Variants in DNAH2 observed in about 807,000 individuals in gnomAD.
DNAH2 encodes the protein axonemal beta dynein heavy chain 2.
In DNAH2, 323 loss-of-function variants were observed where a neutral mutation model predicts 523.5. The ratio of observed to expected loss-of-function variants is 0.62; its 90% confidence interval spans 0.56 to 0.68. The LOEUF (loss-of-function observed/expected upper bound fraction) is 0.68. Among genes scored for constraint, DNAH2 ranks in the 30% least tolerant of loss-of-function variants. DNAH2 has a pLI of 0.00. For synonymous variants in DNAH2, 2,093 were observed against 2,177.4 expected (o/e 0.96, Z 1.08); for missense variants, 4,907 against 5,701.5 (o/e 0.86, Z 4.49).
In DNAH2 at chr17:7,786,737, G is replaced by T. The variant is rs761227705; in HGVS notation, c.6466+50G>T. On this transcript the variant is annotated intron_variant, in intron 41 of 85. Coordinates refer to ENST00000572933, the MANE Select transcript of DNAH2 (RefSeq NM_020877.5). The surrounding 1 kb of genome is among the most constrained non-coding windows in gnomAD (Gnocchi z 7.5). The stretch of plus-strand genomic sequence containing the variant: ...GAGAGCAGACGCCTGAGTCTCCTAA[G>T]GGGGCAGGGAGTCTGGGGATAGGAA... 6.2e-7 allele frequency: 1 copy of T among 1,604,878 alleles called. No homozygotes were observed. Among genetic ancestry groups the T allele is most frequent in the African/African-American group, 1.3e-5 (1 of 74,868 alleles).
intron 4 of DNAH2, among the ~76,000 whole-genome samples, chr17:7,730,580 T>C (rs2074954744): frequency 6.6e-6 from 1 of 152,214 alleles, no homozygotes; most frequent in African/African-American, 2.4e-5. Flanking sequence ...GAATATCCCC[T>C]ATGCGGTAAT....
chr17:7,775,991 G>A (rs749492981), intron 30 of DNAH2, 33 bp from the exon 31 acceptor site: 2 of 1,611,142 alleles, frequency 1.2e-6, no homozygotes, highest in East Asian at 2.2e-5. Context: ...GCCCCCTCAG[G>A]CTGAGCTGCC....
At chr17:7,743,638 C>T (rs1299263187) in intron 12 of DNAH2, 1 of 412,556 alleles carries the variant, frequency 2.4e-6, no homozygotes, top group Non-Finnish European at 4.3e-6. Context: ...TACACTCCAG[C>T]CTGGGCGACA....
chr17:7,801,296 T>G (rs2077216598), intron 56 of DNAH2, among the ~76,000 whole-genome samples: 1 of 152,152 alleles, frequency 6.6e-6, no homozygotes, highest in African/African-American at 2.4e-5. Context: ...TGTATTATTA[T>G]TCCCATTTTA....
intron 24 of DNAH2, 132 bp from the exon 25 acceptor site, chr17:7,770,120 C>T (rs1310336142): frequency 1.3e-5 from 16 of 1,259,052 alleles, no homozygotes; most frequent in Non-Finnish European, 1.5e-5. Context: ...AAGATTGCAT[C>T]TTCGAGCCTG....
intron 18 of DNAH2, among the ~76,000 whole-genome samples, chr17:7,763,198 G>A (rs537100118): frequency 6.7e-5 from 10 of 149,990 alleles, no homozygotes; most frequent in East Asian, 2.0e-4. Context: ...TTGCTCTGTC[G>A]CCCAGGCTGG....
Position 7,832,626 on chromosome 17 carries a change from C to A in DNAH2, c.12774C>A (p.Ala4258=), listed in dbSNP as rs757325653. 6.2e-7 allele frequency: 1 copy of A among 1,614,154 alleles called. No homozygotes were observed. The highest frequency in any genetic ancestry group is 1.7e-5 in the Admixed American group (1 of 60,016). Residue 4258 remains alanine (A), a synonymous_variant, in exon 83 of 86, where the codon GCC becomes GCA. Coordinates refer to ENST00000572933, the MANE Select transcript of DNAH2 (RefSeq NM_020877.5). The surrounding 1 kb of genome is among the most constrained non-coding windows in gnomAD (Gnocchi z 4.3). ...TGGCTGCCTGGACCCGGGACTTGGC[C>A]ATGCGTGTGGAGCAGTTTGAGCTGT... ...KPLAAWTRDL[A]MRVEQFELWA...
chr17:7,734,681 C>T lies in DNAH2; in HGVS notation c.951C>T (p.Pro317=). The T allele has an allele frequency of 6.2e-7, 1 of 1,612,500 alleles. No homozygotes were observed. The highest frequency in any genetic ancestry group is 8.5e-7 in the Non-Finnish European group (1 of 1,179,820). ...TTGCCAAGTCGTCCTACTTGGCGCC[C>T]TTTATGAAACTGGCACAGCAGATCC... ...LHLAKSSYLA[P]FMKLAQQIQD... is the part of the protein sequence containing the mutation. Residue 317 remains proline, a synonymous_variant, in exon 7 of 86, where the codon CCC becomes CCT. Coordinates refer to ENST00000572933, the MANE Select transcript of DNAH2 (RefSeq NM_020877.5).
Position 7,801,694 on chromosome 17 carries a change from T to C in DNAH2, c.8816T>C (p.Leu2939Pro). ...GAGAAGTGCCTCATAGGAGTAGACC[T>C]GGGAACTCAGGAGAATGTGAGCCCC... ...VAEKCLIGVDLGTQENIHRKV... is the reference protein window; with the variant it reads ...VAEKCLIGVDPGTQENIHRKV... The change falls in exon 57 of 86, where the codon CTG (leucine) becomes CCG (proline). Residue 2939 changes from leucine (L) to proline (P), a missense_variant. Coordinates refer to ENST00000572933, the MANE Select transcript of DNAH2 (RefSeq NM_020877.5). 6.2e-7 allele frequency: 1 copy of C among 1,614,108 alleles called. No homozygotes were observed. Among genetic ancestry groups the C allele is most frequent in the Non-Finnish European group, 8.5e-7 (1 of 1,180,028 alleles).
chr17:7,769,701 T>A (rs1019573169), intron 24 of DNAH2, among the ~76,000 whole-genome samples: 2 of 152,214 alleles, frequency 1.3e-5, no homozygotes, highest in Non-Finnish European at 2.9e-5. Flanking sequence ...GGGGATAGAT[T>A]TATAAAAATA....
At chr17:7,803,645 G>C (rs533301013) in intron 58 of DNAH2, among the ~76,000 whole-genome samples, 29 of 151,910 alleles carry the variant, frequency 1.9e-4, no homozygotes, top group African/African-American at 5.6e-4. Context: ...ACTCCAGCCT[G>C]GGTGACAGAT....
Position 7,754,828 on chromosome 17 carries a change from A to G in DNAH2, c.1905-2263A>G, listed in dbSNP as rs1051000012. The G allele has an allele frequency of 2.8e-6, 2 of 710,280 alleles. No homozygotes were observed. The highest frequency in any genetic ancestry group is 2.5e-6 in the Non-Finnish European group (1 of 397,316). The allele number at this position is 710,280 out of a possible 1,614,324, so 44.0% of individuals were successfully genotyped here. On this transcript the variant is annotated intron_variant, in intron 12 of 85. Coordinates refer to ENST00000572933, the MANE Select transcript of DNAH2 (RefSeq NM_020877.5). This position sits in a 1 kb window ranked among gnomAD's most constrained non-coding sequence, Gnocchi z 4.6. Reference sequence around the variant, plus strand: ...TCAGCTCAGGCTCCCAAAGCTGCCCAGTGCCCTACAAAGACTTCAGAGTAG... The same window carrying G: ...TCAGCTCAGGCTCCCAAAGCTGCCCGGTGCCCTACAAAGACTTCAGAGTAG...
At position 7,780,433 on chromosome 17, in the gene DNAH2, G is replaced by A; in HGVS notation, c.5850+149G>A. On this transcript the variant is annotated intron_variant, in intron 37 of 85. Transcript: ENST00000572933. The surrounding 1 kb of genome is among the most constrained non-coding windows in gnomAD (Gnocchi z 4.4). ...TAGGATGTGTGGGGAGAAAAATTTA[G>A]GGGAGGGAGGTGTCTCCTCCGTGAT... The A allele has an allele frequency of 7.0e-7, 1 of 1,421,430 alleles. No homozygotes were observed. Among genetic ancestry groups the A allele is most frequent in the African/African-American group, 1.4e-5 (1 of 69,564 alleles). 88.1% of individuals were successfully genotyped at this position (1,421,430 alleles called of 1,614,324 possible).
At chr17:7,745,517 T>A (rs540065534) in intron 12 of DNAH2, among the ~76,000 whole-genome samples, 30 of 151,666 alleles carry the variant, frequency 2.0e-4, no homozygotes, top group Admixed American at 1.2e-3. Context: ...AAGTTAAATT[T>A]AAAAAAAATG....
chr17:7,764,463 CT>C (rs1398261295), intron 20 of DNAH2, among the ~76,000 whole-genome samples, 190 bp downstream of exon 20: 93 of 150,292 alleles, frequency 6.2e-4, no homozygotes, highest in African/African-American at 2.0e-3. Context: ...CTTCTTCTTC[CT>C]CTTTTTTTTT....
intron 2 of DNAH2, 109 bp from the exon 3 acceptor site, chr17:7,723,519 G>A (rs1349624015): frequency 1.8e-5 from 15 of 841,452 alleles, no homozygotes; most frequent in South Asian, 8.2e-5. Flanking sequence ...TGATCCTCCC[G>A]CCTAGTACTC....
chr17:7,817,989 T>C lies in DNAH2; in HGVS notation c.10280T>C (p.Ile3427Thr), dbSNP rs200415467. 1 of 1,613,964 alleles carries C rather than the reference T, an allele frequency of 6.2e-7. No individual in the cohort carries two copies. The highest frequency in any genetic ancestry group is 2.2e-5 in the East Asian group (1 of 44,868). ...CTGCAGATGAGCGATTACCTGCGAA[T>C]CCTAGAACACGCCATTCACTTTGGA... ...IDLQMSDYLR[I>T]LEHAIHFGYP... Residue 3427 changes from isoleucine (I) to threonine (T), a missense_variant, in exon 68 of 86, where the codon ATC (isoleucine) becomes ACC (threonine). Ile to Thr is a moderately conservative substitution (Grantham distance 89). Coordinates refer to ENST00000572933, the MANE Select transcript of DNAH2 (RefSeq NM_020877.5).
intron 22 of DNAH2, among the ~76,000 whole-genome samples, chr17:7,767,063 C>T (rs950365008): frequency 1.3e-5 from 2 of 152,072 alleles, no homozygotes; most frequent in South Asian, 2.1e-4. Context: ...TTAGCAGTCA[C>T]GTGCATCCCC....
chr17:7,807,808 C>T lies in DNAH2; in HGVS notation c.9729+222C>T, dbSNP rs7221056. Among the ~76,000 whole-genome samples, 36,358 of 152,122 alleles carry T rather than the reference C, an allele frequency of 0.24. 5,464 individuals carry two copies. The highest frequency in any genetic ancestry group is 0.37 in the Middle Eastern group (108 of 294). On this transcript the variant is annotated intron_variant, in intron 63 of 85. Transcript: ENST00000572933. This position sits in a 1 kb window ranked among gnomAD's most constrained non-coding sequence, Gnocchi z 5.6. ...GGGTTATAAAGGCTCAAAGGCACTG[C>T]GACCCAGGAGCCCTTCCAAAGATTG...
Sources: gnomAD v4.1 joint callset for allele counts (sites outside exome capture counted in the v4.1 genomes callset) on GRCh38, gnomAD v4.1.1 for gene constraint, Gnocchi (gnomAD v3.1) non-coding constraint, MANE v1.5 for transcripts, NCBI Gene and HGNC (gene_info 2026-07-23, HGNC 2026-07-21) for gene names.